NUDCD1: variants seen among roughly 807,000 people sequenced by gnomAD.
NUDCD1 encodes the protein NudC domain containing 1, also known as nudC domain-containing protein 1.
Under a neutral mutation model 67.8 loss-of-function variants are expected in NUDCD1, and 60 were observed. The observed-to-expected ratio is 0.88, with a 90% CI of 0.72 to 1.10. The LOEUF is 1.10. Ranked by LOEUF, NUDCD1 falls within the 50% of genes least tolerant of loss-of-function variation. The pLI, the probability that NUDCD1 is intolerant of heterozygous loss-of-function variation, is 0.00. For missense variants in NUDCD1, 643 were observed against 695.0 expected (o/e 0.93, Z 0.84); for synonymous variants, 244 against 230.8 (o/e 1.06, Z -0.52).
chr8:109,263,054 C>CAAAAAAA (rs59659347), intron 8 of NUDCD1, among the ~76,000 whole-genome samples: 4,589 of 41,866 alleles, frequency 0.11, 667 homozygotes, highest in South Asian at 0.29. Flanking sequence ...GACTCTGTCT[C>CAAAAAAA]AAAAAAAAAA....
At chr8:109,268,431 G>A (rs1814057254) in intron 8 of NUDCD1, among the ~76,000 whole-genome samples, 1 of 152,070 alleles carries the variant, frequency 6.6e-6, no homozygotes, top group African/African-American at 2.4e-5. Context: ...GTACTGTAAT[G>A]TATCAGTAAT....
At chr8:109,306,418 T>TA (rs1815104952) in intron 2 of NUDCD1, among the ~76,000 whole-genome samples, 1 of 152,168 alleles carries the variant, frequency 6.6e-6, no homozygotes, top group Non-Finnish European at 1.5e-5. Context: ...AATCCTTCTT[T>TA]AAGAAACAAT....
At chr8:109,258,439 C>T (rs1308286471) in intron 8 of NUDCD1, among the ~76,000 whole-genome samples, 1 of 151,808 alleles carries the variant, frequency 6.6e-6, no homozygotes, top group African/African-American at 2.4e-5. Flanking sequence ...CTATCAATCC[C>T]TCCAGCCAGG....
intron 8 of NUDCD1, among the ~76,000 whole-genome samples, chr8:109,262,778 G>C (rs186232687): frequency 1.3e-5 from 2 of 152,042 alleles, no homozygotes; most frequent in African/African-American, 4.8e-5. Context: ...GAATGTGGCC[G>C]GGTGTGGTAG....
intron 2 of NUDCD1, among the ~76,000 whole-genome samples, chr8:109,320,056 A>G (rs1250236362): frequency 6.6e-6 from 1 of 152,184 alleles, no homozygotes; most frequent in African/African-American, 2.4e-5. Context: ...AGGTAATAGA[A>G]TATCACAAGG....
At position 109,271,103 on chromosome 8, in the gene NUDCD1, G is replaced by A. The variant is rs763989727; in HGVS notation, c.1201C>T (p.Pro401Ser). ...TCTTCTAACTCTTGAGCATTGCAAGGTGGTTTTTCTTTATCTGGATTTGGA... is the reference window on the plus strand; with the variant it reads ...TCTTCTAACTCTTGAGCATTGCAAGATGGTTTTTCTTTATCTGGATTTGGA... ...LNPNPDKEKP[P>S]CNAQELEECD... is the part of the protein sequence containing the mutation. The change falls in exon 8 of 10, where the codon CCT becomes TCT. Residue 401 changes from proline to serine, a missense_variant. Pro to Ser is a moderately conservative substitution (Grantham distance 74, BLOSUM62 -1). Transcript: ENST00000239690. 6.3e-7 allele frequency: 1 copy of A among 1,576,958 alleles called. No homozygotes were observed. The highest frequency in any genetic ancestry group is 2.3e-5 in the East Asian group (1 of 44,362).
chr8:109,295,565 G>C (rs879258306), intron 3 of NUDCD1, among the ~76,000 whole-genome samples: 1 of 152,056 alleles, frequency 6.6e-6, no homozygotes, highest in Non-Finnish European at 1.5e-5. Flanking sequence ...TTGGTTCTAA[G>C]ACCTAACTGG....
At chr8:109,302,490 C>T (rs1032486880) in intron 2 of NUDCD1, among the ~76,000 whole-genome samples, 15 of 152,084 alleles carry the variant, frequency 9.9e-5, no homozygotes, top group Admixed American at 4.6e-4. Context: ...CCAGGCTGTG[C>T]CTCGCCAGGC....
At chr8:109,328,228 T>C (rs1815721773) in intron 1 of NUDCD1, among the ~76,000 whole-genome samples, 1 of 152,154 alleles carries the variant, frequency 6.6e-6, no homozygotes, top group African/African-American at 2.4e-5. Context: ...GAAAGTGAGG[T>C]ATAGTCAACT....
chr8:109,303,593 T>C (rs946455696), intron 2 of NUDCD1, among the ~76,000 whole-genome samples: 5 of 152,038 alleles, frequency 3.3e-5, no homozygotes, highest in African/African-American at 7.3e-5. Flanking sequence ...CTAAATTATC[T>C]GCTTCCCTGA....
At chr8:109,268,522 G>T (rs1193740236) in intron 8 of NUDCD1, among the ~76,000 whole-genome samples, 1 of 152,080 alleles carries the variant, frequency 6.6e-6, no homozygotes, top group East Asian at 1.9e-4. Context: ...TAAACTGGGG[G>T]TATCTTAGTG....
chr8:109,292,481 TACTA>T (rs1814732486), intron 4 of NUDCD1, among the ~76,000 whole-genome samples: 1 of 152,100 alleles, frequency 6.6e-6, no homozygotes, highest in Non-Finnish European at 1.5e-5. Context: ...AGGAAACAAA[TACTA>T]ACAGTCTTTA....
intron 2 of NUDCD1, among the ~76,000 whole-genome samples, chr8:109,308,459 G>C (rs1303570870): frequency 4.6e-5 from 7 of 151,722 alleles, no homozygotes; most frequent in Non-Finnish European, 2.9e-5. Context: ...ACCAGCAGAA[G>C]AAAGAAAATA....
intron 2 of NUDCD1, among the ~76,000 whole-genome samples, chr8:109,322,006 T>A (rs190688036): frequency 6.6e-5 from 10 of 152,254 alleles, no homozygotes; most frequent in Admixed American, 2.0e-4. Flanking sequence ...ATCATTATAG[T>A]TGGGGACAAC....
In NUDCD1 at chr8:109,245,501, A is replaced by C; in HGVS notation, c.1300-20T>G. On this transcript the variant is annotated intron_variant, in intron 8 of 9. Transcript: ENST00000239690. ...ATTCACCTAAAAAGTGATTTAAAAA[A>C]AAATTTACTCAACAACAAATTAATA... 6.3e-7 allele frequency: 1 copy of C among 1,579,054 alleles called. No homozygotes were observed.
chr8:109,324,416 T>C (rs1321566750), intron 1 of NUDCD1, among the ~76,000 whole-genome samples: 2 of 150,566 alleles, frequency 1.3e-5, no homozygotes, highest in Non-Finnish European at 3.0e-5. Flanking sequence ...TAACAAATGC[T>C]GGCAAGGATG....
Position 109,311,559 on chromosome 8 carries a change from G to GTGTGTGTATATATATATATATATATA in NUDCD1, c.273+10749_273+10750insTATATATATATATATATATACACACA. ...AATGAGTGGATAAAGAAACTGTGGT[G>GTGTGTGTATATATATATATATATATA]TATATATATATATGATGGGATACTG... On this transcript the variant is annotated intron_variant, in intron 2 of 9. Transcript: ENST00000239690. Among the ~76,000 whole-genome samples the GTGTGTGTATATATATATATATATATA allele has an allele frequency of 1.2e-4, 15 of 125,162 alleles. 2 individuals are homozygous for GTGTGTGTATATATATATATATATATA. The South Asian group carries it at 2.5e-3, about 21-fold the overall frequency. 82.1% of individuals were successfully genotyped at this position (125,162 alleles called of 152,430 possible). A position where few individuals can be genotyped will look rare whatever the true frequency, so the allele number is the denominator to read the frequency against.
Position 109,245,424 on chromosome 8 carries a change from G to A in NUDCD1, c.1357C>T (p.Pro453Ser). ...ACATCATGGCGCAAACAGAAGCAGG[G>A]CATTTCTTTAGGATCCACTATGACA... ...FSVIVDPKEM[P>S]CFCLRHDVDA... is the part of the protein sequence containing the mutation. The change falls in exon 9 of 10, where the codon CCC becomes TCC. Residue 453 changes from proline to serine, a missense_variant. Pro to Ser is a moderately conservative substitution (Grantham distance 74). Coordinates refer to ENST00000239690, the MANE Select transcript of NUDCD1 (RefSeq NM_032869.4). 6.2e-7 allele frequency: 1 copy of A among 1,613,712 alleles called. No homozygotes were observed. The highest frequency in any genetic ancestry group is 8.5e-7 in the Non-Finnish European group (1 of 1,179,824).
chr8:109,273,487 G>A (rs1403517272), intron 7 of NUDCD1, among the ~76,000 whole-genome samples: 1 of 151,854 alleles, frequency 6.6e-6, no homozygotes, highest in Non-Finnish European at 1.5e-5. Flanking sequence ...AATCAACTAA[G>A]TATCACCTTC....
Sources: gnomAD v4.1 joint callset for allele counts (sites outside exome capture counted in the v4.1 genomes callset) on GRCh38, gnomAD v4.1.1 for gene constraint, MANE v1.5 for transcripts, NCBI Gene and HGNC (gene_info 2026-07-23, HGNC 2026-07-21) for gene names.